The following DSCAM variants were observed in gnomAD, a reference collection of about 807,000 sequenced individuals.
DSCAM encodes the protein cell adhesion molecule DSCAM.
Under a neutral mutation model 217.7 loss-of-function variants are expected in DSCAM, and 47 were observed. That is an observed-to-expected ratio of 0.22 (90% confidence interval 0.17 to 0.28). DSCAM has a LOEUF of 0.28. DSCAM is among the 10% of genes least tolerant of loss of function. DSCAM has a pLI of 1.00. For missense variants in DSCAM, 2,080 were observed against 2,618.3 expected (o/e 0.79, Z 4.49); for synonymous variants, 1,056 against 1,015.3 (o/e 1.04, Z -0.76).
rs1015914796 is a variant in DSCAM, at chr21:40,055,768, C to T, written c.4992G>A (p.Arg1664=). 1.9e-6 allele frequency: 3 copies of T among 1,613,662 alleles called. No homozygotes were observed. In the African/African-American group the frequency reaches 4.0e-5, roughly 22 times the overall value. ...QTLRMHIDIP[R]AQLLIEERDT... is the part of the protein sequence containing the mutation. ...CTCTCTCTTCAATCAAAAGCTGAGC[C>T]CTGGGTATGTCGATGTGCATTCGCA... Residue 1664 remains arginine (R), a synonymous_variant, in exon 29 of 33, where the codon AGG becomes AGA. Transcript: ENST00000400454.
intron 4 of DSCAM, among the ~76,000 whole-genome samples, chr21:40,359,818 T>C (rs1287006759): frequency 2.6e-5 from 4 of 152,062 alleles, no homozygotes; most frequent in African/African-American, 9.7e-5. Flanking sequence ...TTCAAACGGG[T>C]AGGAGGAATC....
At chr21:40,322,325 A>C (rs2123526052) in intron 8 of DSCAM, among the ~76,000 whole-genome samples, 1 of 152,304 alleles carries the variant, frequency 6.6e-6, no homozygotes, top group Non-Finnish European at 1.5e-5. Flanking sequence ...GCAGACGCAC[A>C]AGTATTACCT....
chr21:40,048,217 TGGCACA>T (rs2088872826), intron 30 of DSCAM, among the ~76,000 whole-genome samples: 1 of 152,236 alleles, frequency 6.6e-6, no homozygotes, highest in African/African-American at 2.4e-5. Context: ...TCCGGGCACA[TGGCACA>T]GGCACAGCTG....
intron 32 of DSCAM, among the ~76,000 whole-genome samples, chr21:40,018,633 G>A (rs531815584): frequency 5.9e-5 from 9 of 152,304 alleles, no homozygotes; most frequent in East Asian, 3.9e-4. Flanking sequence ...TGCAGAATGC[G>A]CAGGTCTTAG....
intron 1 of DSCAM, among the ~76,000 whole-genome samples, chr21:40,709,420 C>T (rs1021257720): frequency 1.3e-4 from 20 of 152,236 alleles, no homozygotes; most frequent in South Asian, 4.2e-4. Flanking sequence ...ATACACGTGC[C>T]GTGGTGGTTT....
chr21:40,817,085 TC>T (rs993238618), intron 1 of DSCAM, among the ~76,000 whole-genome samples: 52 of 119,326 alleles, frequency 4.4e-4, no homozygotes, highest in African/African-American at 1.3e-3. Context: ...TAAATTAGAT[TC>T]TTTTTTTTTT....
Position 40,276,091 on chromosome 21 carries a change from T to C in DSCAM, c.2356+6A>G. 1 of 1,558,622 alleles carries C rather than the reference T, an allele frequency of 6.4e-7. No homozygotes were observed. The highest frequency in any genetic ancestry group is 8.7e-7 in the Non-Finnish European group (1 of 1,154,226). ...TAGGTAAAACGAAGCATTTCTTCTC[T>C]CTTACTTTTAACCGTGAGGTACATG... is the stretch of plus-strand genomic sequence containing the variant. On this transcript the variant is annotated splice_donor_region_variant and intron_variant, in intron 11 of 32. Coordinates refer to ENST00000400454, the MANE Select transcript of DSCAM (RefSeq NM_001389.5).
chr21:40,204,442 A>G (rs980752134), intron 11 of DSCAM, among the ~76,000 whole-genome samples: 1 of 152,174 alleles, frequency 6.6e-6, no homozygotes, highest in African/African-American at 2.4e-5. Context: ...ATGCATTTTT[A>G]TTATGTTTAT....
chr21:40,595,795 A>C (rs1407082407), intron 3 of DSCAM, among the ~76,000 whole-genome samples: 1 of 152,258 alleles, frequency 6.6e-6, no homozygotes, highest in Non-Finnish European at 1.5e-5. Flanking sequence ...CAAAGAAGCA[A>C]GCAAGTTGTA....
At chr21:40,160,106 C>T (rs925402927) in intron 16 of DSCAM, among the ~76,000 whole-genome samples, 1 of 152,142 alleles carries the variant, frequency 6.6e-6, no homozygotes, top group South Asian at 2.1e-4. Context: ...ATCCGTTATC[C>T]TCTATGGCTA....
intron 3 of DSCAM, among the ~76,000 whole-genome samples, chr21:40,538,421 A>G (rs2076516896): frequency 6.6e-6 from 1 of 152,152 alleles, no homozygotes; most frequent in South Asian, 2.1e-4. Flanking sequence ...TTCCTCTAAC[A>G]ATCACAAAGC....
At chr21:40,389,039 T>A (rs1034754667) in intron 3 of DSCAM, among the ~76,000 whole-genome samples, 1 of 152,240 alleles carries the variant, frequency 6.6e-6, no homozygotes, top group South Asian at 2.1e-4. Context: ...ATTCAACATG[T>A]ATTTAATAAA....
chr21:40,294,722 C>G (rs1485578604), intron 10 of DSCAM, among the ~76,000 whole-genome samples: 2 of 152,086 alleles, frequency 1.3e-5, no homozygotes, highest in Non-Finnish European at 2.9e-5. Context: ...ATATGCACTT[C>G]CATAGAAACT....
intron 1 of DSCAM, among the ~76,000 whole-genome samples, chr21:40,819,462 TG>T (rs1294558166): frequency 6.6e-6 from 1 of 152,190 alleles, no homozygotes; most frequent in African/African-American, 2.4e-5. Context: ...AAACACATAA[TG>T]GTTGTGTATA....
intron 11 of DSCAM, among the ~76,000 whole-genome samples, chr21:40,256,452 G>GACAC (rs141402139): frequency 7.3e-5 from 11 of 151,078 alleles, no homozygotes; most frequent in African/African-American, 2.7e-4. Context: ...CACACAGACA[G>GACAC]ACACACACAC....
chr21:40,133,756 G>A, intron 19 of DSCAM, 98 bp downstream of exon 19: 1 of 1,429,534 alleles, frequency 7.0e-7, no homozygotes, highest in Non-Finnish European at 9.3e-7. Context: ...GGTTTGCACT[G>A]AGAATAGCCT....
At chr21:40,176,397 A>G (rs535797470) in intron 15 of DSCAM, among the ~76,000 whole-genome samples, 7 of 152,106 alleles carry the variant, frequency 4.6e-5, no homozygotes, top group Non-Finnish European at 1.0e-4. Context: ...CAGCTTCCGG[A>G]GGCTCCCATA....
intron 11 of DSCAM, among the ~76,000 whole-genome samples, chr21:40,223,836 G>A (rs779443394): frequency 6.6e-5 from 10 of 152,288 alleles, no homozygotes; most frequent in Admixed American, 1.3e-4. Context: ...AACAGAGAGG[G>A]TGCTCAAAAA....
At chr21:40,571,296 G>C (rs575125312) in intron 3 of DSCAM, among the ~76,000 whole-genome samples, 4 of 151,868 alleles carry the variant, frequency 2.6e-5, no homozygotes, top group Non-Finnish European at 4.4e-5. Flanking sequence ...CTATAGAAGA[G>C]AGCAATTCAA....
Sources: gnomAD v4.1 joint callset for allele counts (sites outside exome capture counted in the v4.1 genomes callset) on GRCh38, gnomAD v4.1.1 for gene constraint, MANE v1.5 for transcripts, NCBI Gene and HGNC (gene_info 2026-07-23, HGNC 2026-07-21) for gene names.